The following KCNIP4 variants were observed in gnomAD, a reference collection of about 807,000 sequenced individuals.
The protein encoded by KCNIP4 is Kv channel-interacting protein 4.
A neutral mutation model predicts 34.0 loss-of-function variants in KCNIP4; 12 were observed. That is an observed-to-expected ratio of 0.35 (90% CI 0.23 to 0.57). The LOEUF (loss-of-function observed/expected upper bound fraction) is 0.57, where lower values mean the gene tolerates loss of function less well. KCNIP4 is among the 20% of genes least tolerant of loss of function. The probability of loss-of-function intolerance (pLI) is 0.83; values close to 1 mark genes in which losing one functional copy is unlikely to be tolerated. For synonymous variants in KCNIP4, 124 were observed against 102.2 expected (o/e 1.21, Z -1.29); for missense variants, 238 against 311.7 (o/e 0.76, Z 1.78).
chr4:21,744,918 C>A (rs10516398), intron 1 of KCNIP4, among the ~76,000 whole-genome samples: 1 of 152,004 alleles, frequency 6.6e-6, no homozygotes, highest in African/African-American at 2.4e-5. Context: ...TATTTTGCAC[C>A]GACCTACCGT....
Position 21,932,245 on chromosome 4 carries a change from G to A in KCNIP4, c.61+16326C>T, listed in dbSNP as rs150968195. On this transcript the variant is annotated intron_variant, in intron 1 of 8. Transcript: ENST00000382152. ...CTTCTCCGTAACTGATACATGTGTC[G>A]TGAGTGAAACAGTGAGAAACTCGGA... Among the ~76,000 whole-genome samples, 587 of 152,114 alleles carry A rather than the reference G, an allele frequency of 3.9e-3. 3 individuals are homozygous for A. Among genetic ancestry groups the A allele is most frequent in the African/African-American group, 0.013 (536 of 41,490 alleles).
At chr4:21,126,088 CTG>C (rs970196195) in intron 1 of KCNIP4, among the ~76,000 whole-genome samples, 1 of 152,090 alleles carries the variant, frequency 6.6e-6, no homozygotes, top group African/African-American at 2.4e-5. Flanking sequence ...CTTAGGCAGA[CTG>C]AGCCTGTAAT....
chr4:21,757,573 G>C (rs886355298), intron 1 of KCNIP4, among the ~76,000 whole-genome samples: 1 of 152,086 alleles, frequency 6.6e-6, no homozygotes, highest in Non-Finnish European at 1.5e-5. Flanking sequence ...TTTTAGAGAC[G>C]TCTTCACCAT....
At chr4:20,816,077 C>T (rs59988828) in intron 3 of KCNIP4, among the ~76,000 whole-genome samples, 16,384 of 151,726 alleles carry the variant, frequency 0.11, 1,008 homozygotes, top group East Asian at 0.22. Context: ...GGCGAAACTC[C>T]GTCTCTACTA....
At chr4:21,179,751 A>C (rs1013335125) in intron 1 of KCNIP4, among the ~76,000 whole-genome samples, 1 of 152,210 alleles carries the variant, frequency 6.6e-6, no homozygotes, top group Non-Finnish European at 1.5e-5. Context: ...ATACAAAAAA[A>C]CTTATTTTCT....
intron 1 of KCNIP4, among the ~76,000 whole-genome samples, chr4:21,493,071 C>T (rs1013568): frequency 0.22 from 32,767 of 152,010 alleles, 3,762 homozygotes; most frequent in Admixed American, 0.27. Flanking sequence ...ATAGCTTTCT[C>T]GTCTTTGGAT....
At chr4:21,515,556 G>A (rs186605016) in intron 1 of KCNIP4, among the ~76,000 whole-genome samples, 6 of 152,156 alleles carry the variant, frequency 3.9e-5, no homozygotes, top group South Asian at 4.2e-4. Context: ...GGAGAATGGC[G>A]TGAATCCTGG....
intron 1 of KCNIP4, among the ~76,000 whole-genome samples, chr4:21,509,350 T>A (rs1734111626): frequency 6.6e-6 from 1 of 152,154 alleles, no homozygotes; most frequent in Non-Finnish European, 1.5e-5. Flanking sequence ...ATTAAGTTAC[T>A]CCTCACTGTC....
In KCNIP4 at chr4:21,547,735, AT is replaced by A. The variant is rs995979181; in HGVS notation, c.61+400835del. On this transcript the variant is annotated intron_variant, in intron 1 of 8. Coordinates refer to ENST00000382152, the MANE Select transcript of KCNIP4 (RefSeq NM_025221.6). ...AGACTACAAGTGTTTTAGATTTCAG[AT>A]TTTTTTTGGATTTTGGAATATTTGC... Among the ~76,000 whole-genome samples, 6 of 152,018 alleles carry A rather than the reference AT, an allele frequency of 3.9e-5. 1 individual carries two copies. Among genetic ancestry groups the A allele is most frequent in the African/African-American group, 9.6e-5 (4 of 41,480 alleles).
At chr4:21,014,763 C>A (rs764241540) in intron 1 of KCNIP4, among the ~76,000 whole-genome samples, 1 of 152,268 alleles carries the variant, frequency 6.6e-6, no homozygotes, top group African/African-American at 2.4e-5. Context: ...TCTACCTTTA[C>A]GTGTGTGCCC....
chr4:20,968,744 A>C (rs1406728925), intron 1 of KCNIP4, among the ~76,000 whole-genome samples: 1 of 81,924 alleles, frequency 1.2e-5, no homozygotes, highest in Non-Finnish European at 2.2e-5. Context: ...ACATGGACAC[A>C]GGGTGGGGAA....
chr4:21,009,592 G>A (rs1738890946), intron 1 of KCNIP4, among the ~76,000 whole-genome samples: 3 of 152,168 alleles, frequency 2.0e-5, no homozygotes, highest in Non-Finnish European at 4.4e-5. Flanking sequence ...AAACTCCTCT[G>A]TAGTGCATTT....
chr4:21,439,625 C>T (rs1025161870), intron 1 of KCNIP4, among the ~76,000 whole-genome samples: 3 of 152,208 alleles, frequency 2.0e-5, no homozygotes, highest in Admixed American at 6.5e-5. Context: ...AAAGGCAGTG[C>T]TTCCTGATCA....
At chr4:21,510,045 C>T (rs552361276) in intron 1 of KCNIP4, among the ~76,000 whole-genome samples, 3 of 144,318 alleles carry the variant, frequency 2.1e-5, no homozygotes, top group African/African-American at 8.3e-5. Flanking sequence ...CCATTGCACT[C>T]CCACTTGGGG....
At chr4:21,785,040 G>A (rs13129058) in intron 1 of KCNIP4, among the ~76,000 whole-genome samples, 35,450 of 152,112 alleles carry the variant, frequency 0.23, 5,916 homozygotes, top group East Asian at 0.66. Context: ...GCAGTCAATA[G>A]CTGGTTTAAA....
intron 1 of KCNIP4, among the ~76,000 whole-genome samples, chr4:21,290,996 C>A (rs1482591254): frequency 6.6e-6 from 1 of 152,128 alleles, no homozygotes; most frequent in Non-Finnish European, 1.5e-5. Context: ...AGTAGAGGCT[C>A]AGAAAAGTTA....
intron 1 of KCNIP4, among the ~76,000 whole-genome samples, chr4:21,382,513 G>A (rs904031070): frequency 6.6e-6 from 1 of 151,884 alleles, no homozygotes; most frequent in Non-Finnish European, 1.5e-5. Context: ...CACTCTCAGG[G>A]TATAATTGTA....
chr4:21,276,174 C>A (rs1476807713), intron 1 of KCNIP4, among the ~76,000 whole-genome samples: 1 of 152,162 alleles, frequency 6.6e-6, no homozygotes, highest in African/African-American at 2.4e-5. Context: ...CAACACACAA[C>A]CAGGCGCCAC....
intron 5 of KCNIP4, among the ~76,000 whole-genome samples, chr4:20,748,869 C>CGT (rs1423748834): frequency 2.3e-4 from 27 of 117,780 alleles, no homozygotes; most frequent in Middle Eastern, 4.9e-3. Context: ...ATATGAATTA[C>CGT]GTGTGTGTGT....
Sources: gnomAD v4.1 joint callset for allele counts (sites outside exome capture counted in the v4.1 genomes callset) on GRCh38, gnomAD v4.1.1 for gene constraint, MANE v1.5 for transcripts, NCBI Gene and HGNC (gene_info 2026-07-23, HGNC 2026-07-21) for gene names.